The following ZNF385D variants were observed in gnomAD, a reference collection of about 807,000 sequenced individuals.
ZNF385D encodes the protein zinc finger protein 385D.
Under a neutral mutation model 35.8 loss-of-function variants are expected in ZNF385D, and 15 were observed. The observed-to-expected ratio is 0.42, with a 90% CI of 0.28 to 0.64. The LOEUF (loss-of-function observed/expected upper bound fraction) is 0.64. Among genes scored for constraint, ZNF385D ranks in the 30% least tolerant of loss-of-function variants. The probability of loss-of-function intolerance (pLI) is 0.23; values close to 1 mark genes in which losing one functional copy is unlikely to be tolerated. For missense variants in ZNF385D, 474 were observed against 494.6 expected (o/e 0.96, Z 0.39); for synonymous variants, 212 against 186.8 (o/e 1.13, Z -1.10).
chr3:21,561,131 G>A (rs932890562), intron 3 of ZNF385D, among the ~76,000 whole-genome samples: 5 of 152,206 alleles, frequency 3.3e-5, no homozygotes, highest in Admixed American at 1.3e-4. Flanking sequence ...TCTGACTTCA[G>A]CCCCTTTCCG....
chr3:21,509,159 A>G (rs1707012575), intron 4 of ZNF385D, among the ~76,000 whole-genome samples: 1 of 152,144 alleles, frequency 6.6e-6, no homozygotes, highest in Admixed American at 6.6e-5. Context: ...ATATTTTCAT[A>G]TTTTAAAAAA....
rs1243761007 is a variant in ZNF385D at position 21,984,893 on chromosome 3, G to T, written c.325+183924C>A. ...AAGAGGTCCTTCACGTCCCTTGTAA[G>T]TTGGATTCCTAGGTATTTTATTGTC... On this transcript the variant is annotated intron_variant, in intron 3 of 5. Transcript: ENST00000494108. 4.5e-3 allele frequency among the ~76,000 whole-genome samples: 637 copies of T among 140,942 alleles called. 4 individuals are homozygous for T. Among genetic ancestry groups the T allele is most frequent in the African/African-American group, 0.014 (573 of 40,058 alleles). The allele number at this position is 140,942 out of a possible 152,430, so 92.5% of individuals were successfully genotyped here. A position where few individuals can be genotyped will look rare whatever the true frequency, so the allele number is the denominator to read the frequency against.
chr3:21,923,175 C>T (rs1700560521), intron 3 of ZNF385D, among the ~76,000 whole-genome samples: 1 of 151,732 alleles, frequency 6.6e-6, no homozygotes, highest in African/African-American at 2.4e-5. Context: ...TAATGCTATC[C>T]CTCCCCCATC....
chr3:22,258,801 C>G (rs760985806), intron 2 of ZNF385D, among the ~76,000 whole-genome samples: 3 of 151,454 alleles, frequency 2.0e-5, no homozygotes, highest in Non-Finnish European at 4.4e-5. Context: ...ATAAAAAATA[C>G]TTATATTTTC....
intron 2 of ZNF385D, among the ~76,000 whole-genome samples, chr3:22,232,828 A>T (rs955253308): frequency 2.0e-5 from 3 of 152,136 alleles, no homozygotes; most frequent in Non-Finnish European, 4.4e-5. Flanking sequence ...AGGCCACCTG[A>T]TTTACATTTT....
At chr3:21,753,027 G>A (rs1010035640), upstream of ZNF385D, among the ~76,000 whole-genome samples, 6 of 152,148 alleles carry the variant, frequency 3.9e-5, no homozygotes, top group Non-Finnish European at 5.9e-5. Context: ...CAAGCATTGA[G>A]AGTTGAGTTT....
At chr3:21,971,359 T>C (rs141164143) in intron 3 of ZNF385D, among the ~76,000 whole-genome samples, 21 of 152,170 alleles carry the variant, frequency 1.4e-4, no homozygotes, top group African/African-American at 3.4e-4. Context: ...GTTTTCAATT[T>C]ACTTGCTTGT....
rs1412291841 is a variant in ZNF385D at position 21,418,931 on chromosome 3, G to A, written c.*2283C>T. On this transcript the variant is annotated 3_prime_UTR_variant, in exon 8 of 8. Transcript: ENST00000281523. ...AGAGCCCCAAACAACAGACTTATGG[G>A]CAACTATCCACCTGGCTGAACTACC... is the stretch of plus-strand genomic sequence containing the variant. 1.3e-5 allele frequency: 2 copies of A among 152,110 alleles called. No homozygotes were observed. Among genetic ancestry groups the A allele is most frequent in the East Asian group, 3.9e-4 (2 of 5,170 alleles). The allele number at this position is 152,110 out of a possible 1,614,324, so 9.4% of individuals were successfully genotyped here. A position where few individuals can be genotyped will look rare whatever the true frequency, so the allele number is the denominator to read the frequency against.
chr3:21,734,527 A>G (rs1193686286), intron 1 of ZNF385D, among the ~76,000 whole-genome samples: 1 of 151,996 alleles, frequency 6.6e-6, no homozygotes, highest in East Asian at 1.9e-4. Flanking sequence ...ACATTTTTGG[A>G]AATACAGTGG....
At chr3:21,468,538 T>A (rs1703674112) in intron 4 of ZNF385D, among the ~76,000 whole-genome samples, 1 of 151,324 alleles carries the variant, frequency 6.6e-6, no homozygotes, top group Non-Finnish European at 1.5e-5. Flanking sequence ...AAGGGAATAC[T>A]ACTCAGCAAT....
chr3:22,268,007 T>G (rs1700982187), intron 2 of ZNF385D, among the ~76,000 whole-genome samples: 2 of 152,002 alleles, frequency 1.3e-5, no homozygotes, highest in South Asian at 2.1e-4. Flanking sequence ...AAAGCAAATA[T>G]TCTTTCTTTC....
chr3:22,361,303 C>A (rs916882057), intron 2 of ZNF385D, among the ~76,000 whole-genome samples: 4 of 151,982 alleles, frequency 2.6e-5, no homozygotes, highest in Admixed American at 6.6e-5. Flanking sequence ...GGAAAGCAAG[C>A]AATTTGCTGT....
intron 1 of ZNF385D, among the ~76,000 whole-genome samples, chr3:21,677,753 TC>T (rs2066773935): frequency 6.6e-6 from 1 of 151,972 alleles, no homozygotes; most frequent in Non-Finnish European, 1.5e-5. Context: ...TTTGAGTAGT[TC>T]ATATATACAT....
chr3:22,355,218 C>A (rs139569693), intron 2 of ZNF385D, among the ~76,000 whole-genome samples: 433 of 152,066 alleles, frequency 2.8e-3, no homozygotes, highest in African/African-American at 9.9e-3. Context: ...ATCATCAAAT[C>A]TTTATGGGTA....
At chr3:22,267,130 C>T (rs1359572753) in intron 2 of ZNF385D, among the ~76,000 whole-genome samples, 4 of 152,004 alleles carry the variant, frequency 2.6e-5, no homozygotes, top group African/African-American at 7.2e-5. Flanking sequence ...TAACTCACTG[C>T]TTTCATCAGG....
At chr3:21,810,047 C>G (rs1035903493) in intron 3 of ZNF385D, among the ~76,000 whole-genome samples, 1 of 152,100 alleles carries the variant, frequency 6.6e-6, no homozygotes, top group African/African-American at 2.4e-5. Context: ...ATAACACCAG[C>G]ATGTCCTTGA....
intron 5 of ZNF385D, chr3:21,431,207 T>C (rs1463717899): frequency 2.0e-5 from 3 of 152,180 alleles, no homozygotes; most frequent in Non-Finnish European, 4.4e-5. Flanking sequence ...AGAATAGTCA[T>C]ATAAAACAAC....
intron 3 of ZNF385D, among the ~76,000 whole-genome samples, chr3:21,771,884 T>A (rs896769484): frequency 1.3e-5 from 2 of 151,966 alleles, no homozygotes; most frequent in Non-Finnish European, 2.9e-5. Flanking sequence ...TTGAGGCATA[T>A]AAACCAATGG....
chr3:22,179,312 G>C (rs1695055728), intron 2 of ZNF385D, among the ~76,000 whole-genome samples: 1 of 152,178 alleles, frequency 6.6e-6, no homozygotes, highest in African/African-American at 2.4e-5. Context: ...TCCCTTGTAA[G>C]TTGGATTCCT....
Sources: gnomAD v4.1 joint callset for allele counts (sites outside exome capture counted in the v4.1 genomes callset) on GRCh38, gnomAD v4.1.1 for gene constraint, MANE v1.5 for transcripts, NCBI Gene and HGNC (gene_info 2026-07-23, HGNC 2026-07-21) for gene names.